Variants in KCNC2 observed in about 807,000 individuals in gnomAD.
KCNC2 encodes the protein voltage-gated potassium channel KCNC2.
Under a neutral mutation model 44.5 loss-of-function variants are expected in KCNC2, and 21 were observed. That is an observed-to-expected ratio of 0.47 (90% CI 0.33 to 0.68). The LOEUF is 0.68. KCNC2 is among the 30% of genes least tolerant of loss of function. The pLI is 0.01. For synonymous variants in KCNC2, 391 were observed against 339.1 expected (o/e 1.15, Z -1.68); for missense variants, 589 against 826.2 (o/e 0.71, Z 3.52).
chr12:75,091,633 G>A (rs1247977315), intron 2 of KCNC2, among the ~76,000 whole-genome samples: 1 of 151,564 alleles, frequency 6.6e-6, no homozygotes, highest in Non-Finnish European at 1.5e-5. Flanking sequence ...ATAGGTTTTT[G>A]TTTAGTTTAT....
rs548566984 is a variant in KCNC2, at chr12:75,188,711, T to A, written c.687+18586A>T. Among the ~76,000 whole-genome samples, 5 of 151,004 alleles carry A rather than the reference T, an allele frequency of 3.3e-5. No individual in the cohort carries two copies. The East Asian group carries it at 9.8e-4, about 30-fold the overall frequency. On this transcript the variant is annotated intron_variant, in intron 2 of 4. Coordinates refer to ENST00000549446, the MANE Select transcript of KCNC2 (RefSeq NM_139137.4). Reference sequence around the variant, plus strand: ...CTGTCTCTACTAAAAATACAAAAAATTAGCTGGGCATGGTGGTGCGTGCCT... The same window carrying A: ...CTGTCTCTACTAAAAATACAAAAAAATAGCTGGGCATGGTGGTGCGTGCCT...
chr12:75,179,314 T>C (rs940777510), intron 2 of KCNC2, among the ~76,000 whole-genome samples: 1 of 151,966 alleles, frequency 6.6e-6, no homozygotes, highest in Non-Finnish European at 1.5e-5. Context: ...ACTATCATCT[T>C]CATCAATCTC....
chr12:75,154,491 A>G (rs1592983965), intron 2 of KCNC2, among the ~76,000 whole-genome samples: 1 of 152,128 alleles, frequency 6.6e-6, no homozygotes, highest in Admixed American at 6.6e-5. Flanking sequence ...CATTTTATGC[A>G]GTCTTTACAC....
intron 2 of KCNC2, among the ~76,000 whole-genome samples, chr12:75,088,488 T>A (rs1885207538): frequency 6.6e-6 from 1 of 152,078 alleles, no homozygotes; most frequent in Admixed American, 6.6e-5. Context: ...GTAAAACATA[T>A]GAACTGTCGT....
intron 4 of KCNC2, 136 bp from the exon 5 acceptor site, chr12:75,043,377 A>T: frequency 7.1e-7 from 1 of 1,402,368 alleles, no homozygotes; most frequent in South Asian, 1.7e-5. Context: ...TAATATTGAG[A>T]CAATTTATAA....
intron 2 of KCNC2, among the ~76,000 whole-genome samples, chr12:75,077,507 A>T (rs1884101778): frequency 6.6e-6 from 1 of 152,174 alleles, no homozygotes; most frequent in South Asian, 2.1e-4. Flanking sequence ...AAGGTAAAGT[A>T]TCTGATACAA....
intron 2 of KCNC2, among the ~76,000 whole-genome samples, chr12:75,192,857 A>G (rs1321952248): frequency 6.6e-6 from 1 of 152,210 alleles, no homozygotes; most frequent in East Asian, 1.9e-4. Context: ...AATGGTGACC[A>G]TAATAAATAA....
chr12:75,117,003 C>A (rs956714020), intron 2 of KCNC2, among the ~76,000 whole-genome samples: 1 of 152,032 alleles, frequency 6.6e-6, no homozygotes, highest in African/African-American at 2.4e-5. Flanking sequence ...ATTCACATAG[C>A]AACACATTTT....
At chr12:75,181,672 A>T (rs959261058) in intron 2 of KCNC2, among the ~76,000 whole-genome samples, 7 of 152,166 alleles carry the variant, frequency 4.6e-5, no homozygotes, top group Non-Finnish European at 1.0e-4. Context: ...AACCTCACAG[A>T]TATGAACTCA....
At chr12:75,130,355 T>G (rs1347383986) in intron 2 of KCNC2, among the ~76,000 whole-genome samples, 1 of 152,204 alleles carries the variant, frequency 6.6e-6, no homozygotes, top group African/African-American at 2.4e-5. Flanking sequence ...GTACATGGTT[T>G]TATTTTCTAC....
At chr12:75,118,968 T>C (rs11830416) in intron 2 of KCNC2, among the ~76,000 whole-genome samples, 53 of 152,322 alleles carry the variant, frequency 3.5e-4, no homozygotes, top group African/African-American at 1.3e-3. Flanking sequence ...ACAAAACAAG[T>C]ATGATGCCTA....
intron 2 of KCNC2, among the ~76,000 whole-genome samples, chr12:75,186,196 T>A (rs989665151): frequency 3.3e-5 from 5 of 151,982 alleles, no homozygotes; most frequent in Admixed American, 2.6e-4. Flanking sequence ...AATTTTTTTC[T>A]GGCTTCTCTG....
At chr12:75,128,783 T>A (rs1888625628) in intron 2 of KCNC2, among the ~76,000 whole-genome samples, 3 of 152,220 alleles carry the variant, frequency 2.0e-5, no homozygotes, top group African/African-American at 7.2e-5. Context: ...AATCATATAA[T>A]CACCAGTGGT....
At chr12:75,126,427 A>G (rs1471189) in intron 2 of KCNC2, among the ~76,000 whole-genome samples, 17,425 of 152,206 alleles carry the variant, frequency 0.11, 1,150 homozygotes, top group African/African-American at 0.16. Flanking sequence ...TAAGAATACA[A>G]CTTGAATAAA....
intron 2 of KCNC2, among the ~76,000 whole-genome samples, chr12:75,078,225 G>A (rs993120720): frequency 2.6e-5 from 4 of 152,160 alleles, no homozygotes; most frequent in Non-Finnish European, 4.4e-5. Context: ...AAAATGCTGT[G>A]TGTGTTTCTT....
At chr12:75,133,869 G>A (rs935319151) in intron 2 of KCNC2, among the ~76,000 whole-genome samples, 2 of 151,688 alleles carry the variant, frequency 1.3e-5, no homozygotes, top group African/African-American at 2.4e-5. Context: ...AAACAGACAC[G>A]GTCTTGCTTT....
chr12:75,096,138 CA>C lies in KCNC2; in HGVS notation c.688-44822del, dbSNP rs544593240. Among the ~76,000 whole-genome samples the C allele has an allele frequency of 9.9e-5, 15 of 152,076 alleles. No homozygotes were observed. In the Middle Eastern group the frequency reaches 0.014, roughly 138 times the overall value. ...TACAACAGACAAATACCACAGTTGGCACTTACATTATGCCACTTTCAAGTCA... is the reference window on the plus strand; with the variant it reads ...TACAACAGACAAATACCACAGTTGGCCTTACATTATGCCACTTTCAAGTCA... On this transcript the variant is annotated intron_variant, in intron 2 of 4. Transcript: ENST00000549446.
intron 2 of KCNC2, among the ~76,000 whole-genome samples, chr12:75,179,615 GA>G (rs1892420690): frequency 8.6e-6 from 1 of 116,486 alleles, no homozygotes; most frequent in South Asian, 2.7e-4. Context: ...TTTTATAAAA[GA>G]TAGTTTTATA....
At chr12:75,116,678 A>G (rs1304403277) in intron 2 of KCNC2, among the ~76,000 whole-genome samples, 3 of 152,188 alleles carry the variant, frequency 2.0e-5, no homozygotes, top group Admixed American at 6.5e-5. Context: ...TTAAAAGTAG[A>G]ACAAAAGGGT....
Sources: gnomAD v4.1 joint callset for allele counts (sites outside exome capture counted in the v4.1 genomes callset) on GRCh38, gnomAD v4.1.1 for gene constraint, MANE v1.5 for transcripts, NCBI Gene and HGNC (gene_info 2026-07-23, HGNC 2026-07-21) for gene names.